ZMYM4: variants seen among roughly 807,000 people sequenced by gnomAD.
ZMYM4 encodes the protein zinc finger MYM-type containing 4.
Under a neutral mutation model 183.2 loss-of-function variants are expected in ZMYM4, and 31 were observed. The observed-to-expected ratio is 0.17, with a 90% CI of 0.13 to 0.23. ZMYM4 has a LOEUF of 0.23. ZMYM4 is among the 10% of genes least tolerant of loss of function. The probability of loss-of-function intolerance (pLI) is 1.00; values close to 1 mark genes in which losing one functional copy is unlikely to be tolerated. For missense variants in ZMYM4, 1,273 were observed against 1,840.3 expected, an observed-to-expected ratio of 0.69 and a Z score of 5.64; for synonymous variants, 592 against 631.2, an observed-to-expected ratio of 0.94 and a Z score of 0.93.
chr1:35,299,797 C>CTTTT lies in ZMYM4; in HGVS notation c.40-25553_40-25550dup, dbSNP rs553866480. 1.3e-4 allele frequency among the ~76,000 whole-genome samples: 19 copies of CTTTT among 143,008 alleles called. No homozygotes were observed. In the South Asian group the frequency reaches 2.7e-3, roughly 20 times the overall value. The allele number at this position is 143,008 out of a possible 152,430, so 93.8% of individuals were successfully genotyped here. ...CAGAGATTCTTTCTTTCTTTCTTTT[C>CTTTT]TTTTTTTTTTTTTATGAGACAGAGT... On this transcript the variant is annotated intron_variant, in intron 1 of 29. Coordinates refer to ENST00000314607, the MANE Select transcript of ZMYM4 (RefSeq NM_005095.3).
chr1:35,307,695 C>T (rs1428372408), intron 1 of ZMYM4, among the ~76,000 whole-genome samples: 12 of 151,228 alleles, frequency 7.9e-5, no homozygotes, highest in South Asian at 6.3e-4. Context: ...CCACCACGCC[C>T]GGCTAATTTT....
chr1:35,294,150 G>C (rs1640897899), intron 1 of ZMYM4, among the ~76,000 whole-genome samples: 1 of 150,620 alleles, frequency 6.6e-6, no homozygotes, highest in Non-Finnish European at 1.5e-5. Context: ...AAAAAAAAAG[G>C]AATCAAAATG....
intron 24 of ZMYM4, 84 bp downstream of exon 24, chr1:35,405,278 CA>C: frequency 6.4e-7 from 1 of 1,574,438 alleles, no homozygotes; most frequent in Non-Finnish European, 8.6e-7. Flanking sequence ...CATTTTAGGT[CA>C]AAAACCCCAT....
intron 8 of ZMYM4, 26 bp downstream of exon 8, chr1:35,381,459 G>A (rs1214410722): frequency 2.5e-6 from 4 of 1,604,962 alleles, no homozygotes; most frequent in Non-Finnish European, 3.4e-6. Context: ...CCTTTATTGG[G>A]GCAGGAGTCT....
At position 35,415,641 on chromosome 1, in the gene ZMYM4, G is replaced by T. The variant is rs771019239; in HGVS notation, c.4236G>T (p.Arg1412Ser). The change falls in exon 28 of 30, where the codon AGG becomes AGT. Residue 1412 changes from arginine (R) to serine (S), a missense_variant. Around this residue, in one of 6 missense-constraint regions of ZMYM4, gnomAD observed 145 missense variants for 331.6 expected, o/e 0.44. Transcript: ENST00000314607. ...TTGCCCATGTGATGAGACGGACCAGGACTCTGAAGTACAGTACCAAGATGA... is the reference window on the plus strand; with the variant it reads ...TTGCCCATGTGATGAGACGGACCAGTACTCTGAAGTACAGTACCAAGATGA... ...LSFAHVMRRT[R>S]TLKYSTKMTY... 2.5e-6 allele frequency: 4 copies of T among 1,613,996 alleles called. No individual in the cohort carries two copies. The African/African-American group carries it at 4.0e-5, about 16-fold the overall frequency.
At chr1:35,290,805 G>C (rs950131019) in intron 1 of ZMYM4, among the ~76,000 whole-genome samples, 1 of 152,136 alleles carries the variant, frequency 6.6e-6, no homozygotes, top group Non-Finnish European at 1.5e-5. Context: ...ATTGAATTGT[G>C]CAATTTAAAT....
At chr1:35,296,439 T>G (rs551597967) in intron 1 of ZMYM4, among the ~76,000 whole-genome samples, 55 of 152,348 alleles carry the variant, frequency 3.6e-4, no homozygotes, top group African/African-American at 1.1e-3. Context: ...CTAACCACCT[T>G]AGTGTAATAT....
intron 1 of ZMYM4, chr1:35,295,948 A>G (rs1640986490): frequency 6.6e-6 from 1 of 152,208 alleles, no homozygotes; most frequent in Non-Finnish European, 1.5e-5. Flanking sequence ...TCAATTAGCC[A>G]CTGCCAAAGA....
chr1:35,280,189 CCTTCCCTTCCTTT>C (rs1352425319), intron 1 of ZMYM4, among the ~76,000 whole-genome samples: 1 of 148,182 alleles, frequency 6.7e-6, no homozygotes, highest in Non-Finnish European at 1.5e-5. Flanking sequence ...CCTTCCCTTC[CCTTCCCTTCCTTT>C]CTTCCCTTCC....
intron 2 of ZMYM4, chr1:35,351,347 C>G: frequency 1.3e-6 from 2 of 1,567,528 alleles, no homozygotes. Context: ...ACATGCACTA[C>G]TTAATGAAAG....
intron 25 of ZMYM4, among the ~76,000 whole-genome samples, chr1:35,406,185 G>T (rs561501099): frequency 1.3e-5 from 2 of 152,236 alleles, no homozygotes; most frequent in South Asian, 4.1e-4. Flanking sequence ...TACCCTGTTG[G>T]TTTTGGGGCA....
intron 5 of ZMYM4, among the ~76,000 whole-genome samples, chr1:35,363,156 G>A (rs951224699): frequency 6.6e-6 from 1 of 152,200 alleles, no homozygotes; most frequent in Non-Finnish European, 1.5e-5. Context: ...GGATGACAGA[G>A]TGAGACTTTT....
At chr1:35,348,873 T>G (rs1643492657) in intron 2 of ZMYM4, among the ~76,000 whole-genome samples, 1 of 152,254 alleles carries the variant, frequency 6.6e-6, no homozygotes, top group African/African-American at 2.4e-5. Context: ...ATTTGAGTGC[T>G]TTAGAAAAAC....
intron 9 of ZMYM4, 23 bp from the exon 10 acceptor site, chr1:35,385,419 A>G (rs1423173427): frequency 1.9e-6 from 3 of 1,592,212 alleles, no homozygotes; most frequent in Non-Finnish European, 2.6e-6. Context: ...TTAAAAATGA[A>G]TGTTGTTTTA....
At chr1:35,321,652 A>G (rs1273265928) in intron 1 of ZMYM4, among the ~76,000 whole-genome samples, 2 of 151,922 alleles carry the variant, frequency 1.3e-5, no homozygotes, top group East Asian at 1.9e-4. Flanking sequence ...TTCTTCACCT[A>G]TAAAATAGAG....
At chr1:35,402,485 C>T (rs1252239709) in intron 23 of ZMYM4, among the ~76,000 whole-genome samples, 2 of 151,904 alleles carry the variant, frequency 1.3e-5, no homozygotes, top group African/African-American at 2.4e-5. Flanking sequence ...GGCATGGTGA[C>T]GCATGCTGGT....
intron 23 of ZMYM4, among the ~76,000 whole-genome samples, chr1:35,403,925 T>C (rs1290989545): frequency 6.6e-6 from 1 of 152,162 alleles, no homozygotes; most frequent in African/African-American, 2.4e-5. Context: ...AAGAAGTTTG[T>C]CCATTTCATC....
intron 23 of ZMYM4, among the ~76,000 whole-genome samples, chr1:35,400,611 A>T (rs983246657): frequency 2.0e-5 from 3 of 152,224 alleles, no homozygotes; most frequent in Non-Finnish European, 2.9e-5. Flanking sequence ...CTTTATTTTT[A>T]AAATTAGCCC....
At chr1:35,353,931 G>A (rs1425968137) in intron 2 of ZMYM4, among the ~76,000 whole-genome samples, 1 of 152,068 alleles carries the variant, frequency 6.6e-6, no homozygotes, top group Admixed American at 6.5e-5. Context: ...GAGTGCTTGA[G>A]CCCAGGAGTT....
Sources: allele counts gnomAD v4.1 joint callset (sites outside exome capture counted in the v4.1 genomes callset), GRCh38; gene constraint gnomAD v4.1.1; regional missense constraint gnomAD v4.1.1; transcripts MANE v1.5; gene names NCBI Gene and HGNC (gene_info 2026-07-23, HGNC 2026-07-21).